PTPRD: variants seen among roughly 807,000 people sequenced by gnomAD.
PTPRD encodes protein tyrosine phosphatase receptor type D.
Under a neutral mutation model 214.5 loss-of-function variants are expected in PTPRD, and 34 were observed. The ratio of observed to expected loss-of-function variants is 0.16; its 90% confidence interval spans 0.12 to 0.21. The LOEUF is 0.21. Ranked by LOEUF, PTPRD falls within the 10% of genes least tolerant of loss-of-function variation. The pLI, the probability that PTPRD is intolerant of heterozygous loss-of-function variation, is 1.00. For missense variants in PTPRD, 2,545 were observed against 2,398.7 expected (o/e 1.06, Z -1.27); for synonymous variants, 1,128 against 845.7 (o/e 1.33, Z -5.79).
intron 36 of PTPRD, among the ~76,000 whole-genome samples, chr9:8,393,262 G>A (rs1219939688): frequency 1.3e-5 from 2 of 152,108 alleles, no homozygotes; most frequent in Non-Finnish European, 2.9e-5. Flanking sequence ...AGAAGTGTGT[G>A]AGAATTAACT....
intron 23 of PTPRD, among the ~76,000 whole-genome samples, chr9:8,503,103 A>G (rs1488650012): frequency 1.3e-5 from 2 of 152,092 alleles, no homozygotes; most frequent in African/African-American, 4.8e-5. Context: ...TAGATTAAAC[A>G]TGATCCTAAT....
intron 12 of PTPRD, among the ~76,000 whole-genome samples, chr9:8,645,764 G>T (rs189927218): frequency 6.6e-6 from 1 of 152,120 alleles, no homozygotes; most frequent in African/African-American, 2.4e-5. Context: ...CTAACTGCTT[G>T]AAAGATTACC....
At chr9:10,409,821 T>G (rs2098415757) in intron 2 of PTPRD, among the ~76,000 whole-genome samples, 2 of 151,696 alleles carry the variant, frequency 1.3e-5, no homozygotes, top group African/African-American at 4.8e-5. Context: ...CTAAGGCCTC[T>G]TACTAACAGC....
intron 33 of PTPRD, among the ~76,000 whole-genome samples, chr9:8,453,386 G>C (rs937268671): frequency 6.6e-6 from 1 of 151,924 alleles, no homozygotes; most frequent in Non-Finnish European, 1.5e-5. Flanking sequence ...GGATGGTCTC[G>C]ATCTCCTGAC....
chr9:8,590,883 G>A (rs2094045379), intron 14 of PTPRD, among the ~76,000 whole-genome samples: 1 of 152,136 alleles, frequency 6.6e-6, no homozygotes, highest in African/African-American at 2.4e-5. Flanking sequence ...TTTCAGTTCT[G>A]GAGGTCAGAA....
At chr9:9,432,014 G>C (rs1185542074) in intron 8 of PTPRD, among the ~76,000 whole-genome samples, 1 of 149,226 alleles carries the variant, frequency 6.7e-6, no homozygotes, top group Non-Finnish European at 1.5e-5. Context: ...TAACAAACCT[G>C]CATGTTGTGT....
chr9:9,041,035 A>T (rs1244793419), intron 10 of PTPRD, among the ~76,000 whole-genome samples: 1 of 152,102 alleles, frequency 6.6e-6, no homozygotes, highest in African/African-American at 2.4e-5. Context: ...TTCAGATGAC[A>T]AATTGTAGGT....
chr9:8,825,280 G>C (rs1295195935), intron 11 of PTPRD, among the ~76,000 whole-genome samples: 1 of 152,144 alleles, frequency 6.6e-6, no homozygotes, highest in Non-Finnish European at 1.5e-5. Context: ...TACAAGTTAA[G>C]TTTGATAACT....
At chr9:10,156,070 T>C (rs2154282241) in intron 3 of PTPRD, among the ~76,000 whole-genome samples, 1 of 137,892 alleles carries the variant, frequency 7.3e-6, no homozygotes, top group African/African-American at 2.7e-5. Flanking sequence ...TTTTGCTCTT[T>C]TGAATGTTTG....
At chr9:8,914,991 A>G (rs1485776463) in intron 11 of PTPRD, among the ~76,000 whole-genome samples, 2 of 152,194 alleles carry the variant, frequency 1.3e-5, no homozygotes, top group African/African-American at 4.8e-5. Context: ...ATCACAAAAC[A>G]TGTGCCAGAA....
intron 10 of PTPRD, among the ~76,000 whole-genome samples, chr9:9,129,900 T>C (rs2099840016): frequency 3.3e-5 from 5 of 152,220 alleles, no homozygotes; most frequent in Admixed American, 3.3e-4. Flanking sequence ...ACCAGTTTTT[T>C]TATTCTGGGC....
At chr9:9,270,900 G>A (rs974261887) in intron 9 of PTPRD, among the ~76,000 whole-genome samples, 1 of 151,212 alleles carries the variant, frequency 6.6e-6, no homozygotes, top group African/African-American at 2.4e-5. Flanking sequence ...GGGATAGGAG[G>A]AATCAAAGAA....
intron 5 of PTPRD, among the ~76,000 whole-genome samples, chr9:9,902,995 G>A (rs550116371): frequency 5.9e-5 from 9 of 151,996 alleles, no homozygotes; most frequent in Admixed American, 5.9e-4. Flanking sequence ...TTTAATTAAG[G>A]GAGTTTTACC....
intron 2 of PTPRD, among the ~76,000 whole-genome samples, chr9:10,366,346 A>G (rs954703544): frequency 6.6e-6 from 1 of 152,178 alleles, no homozygotes; most frequent in South Asian, 2.1e-4. Context: ...AAAGGTGAGA[A>G]AGTTTGCAGT....
intron 5 of PTPRD, among the ~76,000 whole-genome samples, chr9:9,858,365 C>A (rs78147620): frequency 0.017 from 2,573 of 152,262 alleles, 63 homozygotes; most frequent in African/African-American, 0.057. Context: ...AAAATAGTGC[C>A]TGTGACTTCA....
At chr9:10,006,021 T>C (rs1380738184) in intron 4 of PTPRD, among the ~76,000 whole-genome samples, 1 of 151,984 alleles carries the variant, frequency 6.6e-6, no homozygotes, top group East Asian at 1.9e-4. Flanking sequence ...TATAAACATA[T>C]ACACATATGT....
At chr9:8,734,624 A>G (rs915422734) in intron 11 of PTPRD, among the ~76,000 whole-genome samples, 2 of 152,240 alleles carry the variant, frequency 1.3e-5, no homozygotes, top group African/African-American at 4.8e-5. Context: ...TCTTCTCTGT[A>G]AAATCAAAAA....
intron 4 of PTPRD, among the ~76,000 whole-genome samples, chr9:9,960,418 G>C (rs1416130698): frequency 1.3e-5 from 2 of 152,108 alleles, no homozygotes; most frequent in Non-Finnish European, 2.9e-5. Context: ...CTCCTGCGCT[G>C]TGGCCTCTAT....
At chr9:9,365,718 T>G (rs1052721919) in intron 9 of PTPRD, among the ~76,000 whole-genome samples, 28 of 151,478 alleles carry the variant, frequency 1.8e-4, no homozygotes, top group Non-Finnish European at 3.0e-4. Flanking sequence ...GCCAAAGGTT[T>G]TGCCTCCTTC....
Sources: gnomAD v4.1 joint callset for allele counts (sites outside exome capture counted in the v4.1 genomes callset) on GRCh38, gnomAD v4.1.1 for gene constraint, MANE v1.5 for transcripts, NCBI Gene and HGNC (gene_info 2026-07-23, HGNC 2026-07-21) for gene names.